The following AMD1 variants were observed in gnomAD, a reference collection of about 807,000 sequenced individuals.
AMD1 encodes S-adenosylmethionine decarboxylase proenzyme.
Under a neutral mutation model 40.2 loss-of-function variants are expected in AMD1, and 11 were observed. The ratio of observed to expected loss-of-function variants is 0.27; its 90% CI spans 0.17 to 0.45. The LOEUF (loss-of-function observed/expected upper bound fraction) is 0.45, where lower values mean the gene tolerates loss of function less well. Among genes scored for constraint, AMD1 ranks in the 20% least tolerant of loss-of-function variants. The pLI is 1.00. For missense variants in AMD1, 257 were observed against 410.2 expected (o/e 0.63, Z 3.23); for synonymous variants, 121 against 130.8 (o/e 0.93, Z 0.51).
the AMD1 span, chr6:110,858,893 G>T: frequency 2.4e-6 from 2 of 829,302 alleles, no homozygotes; most frequent in East Asian, 4.8e-5. Flanking sequence ...TGCCAGCCAG[G>T]TGGGCATGAC....
chr6:110,856,114 A>G, the AMD1 span, among the ~76,000 whole-genome samples: 1 of 152,052 alleles, frequency 6.6e-6, no homozygotes, highest in Non-Finnish European at 1.5e-5. Context: ...TTAAAAGGGG[A>G]TGATCAGAAA....
chr6:110,841,360 T>C, the AMD1 span, among the ~76,000 whole-genome samples: 3 of 152,268 alleles, frequency 2.0e-5, no homozygotes, highest in Non-Finnish European at 4.4e-5. Context: ...AGCCCTAACC[T>C]ATGTAGCTGT....
the AMD1 span, among the ~76,000 whole-genome samples, chr6:110,823,470 GA>G: frequency 6.6e-6 from 1 of 152,144 alleles, no homozygotes; most frequent in Non-Finnish European, 1.5e-5. Context: ...TGTATACCTA[GA>G]AAACTCCAAA....
intron 8 of AMD1, 68 bp from the exon 9 acceptor site, chr6:110,893,408 T>G (rs1432046275): frequency 6.3e-7 from 1 of 1,582,188 alleles, no homozygotes; most frequent in Non-Finnish European, 8.6e-7. Flanking sequence ...GTCTGTCACT[T>G]AACTGTTTTG....
intron 1 of AMD1, among the ~76,000 whole-genome samples, chr6:110,884,948 G>C (rs1251708448): frequency 6.6e-6 from 1 of 152,146 alleles, no homozygotes; most frequent in African/African-American, 2.4e-5. Context: ...ACCTGAATTA[G>C]ATAAGCTCTT....
At chr6:110,860,092 G>T in the AMD1 span, among the ~76,000 whole-genome samples, 1 of 152,132 alleles carries the variant, frequency 6.6e-6, no homozygotes, top group African/African-American at 2.4e-5. Context: ...CTCCCCAAGT[G>T]CTGGAATTAC....
chr6:110,847,063 G>GGTGT, the AMD1 span, among the ~76,000 whole-genome samples: 73 of 143,280 alleles, frequency 5.1e-4, 1 homozygote, highest in South Asian at 2.8e-3. Context: ...GTGTGTGTGT[G>GGTGT]GTGTGTGTGT....
chr6:110,876,615 C>T (rs1785129513), intron 1 of AMD1, among the ~76,000 whole-genome samples: 10 of 152,180 alleles, frequency 6.6e-5, no homozygotes. Flanking sequence ...TCACACGTCT[C>T]ATTTTTTTCA....
At chr6:110,815,537 T>A in the AMD1 span, 2 of 157,620 alleles carry the variant, frequency 1.3e-5, no homozygotes, top group Non-Finnish European at 2.8e-5. Flanking sequence ...CCTGGGCGGT[T>A]TTGCCGGCGT....
At chr6:110,815,334 CTCT>C in the AMD1 span, 1 of 465,512 alleles carries the variant, frequency 2.1e-6, no homozygotes, top group Non-Finnish European at 3.5e-6. Context: ...CCTCCTCCAC[CTCT>C]TCCTCCTCCT....
chr6:110,839,374 C>G, the AMD1 span, among the ~76,000 whole-genome samples: 2 of 152,202 alleles, frequency 1.3e-5, no homozygotes, highest in Non-Finnish European at 2.9e-5. Context: ...TTTCTTTACT[C>G]TCATACCACA....
At chr6:110,873,039 T>C (rs528363112), upstream of AMD1, among the ~76,000 whole-genome samples, 9 of 152,306 alleles carry the variant, frequency 5.9e-5, no homozygotes, top group East Asian at 1.7e-3. Context: ...CAACATTTAT[T>C]ATCTTTTGTC....
At chr6:110,889,094 C>A in intron 3 of AMD1, 111 bp downstream of exon 3, 1 of 1,322,512 alleles carries the variant, frequency 7.6e-7, no homozygotes, top group Non-Finnish European at 1.0e-6. Flanking sequence ...ACAATGCATG[C>A]AAACACGTGG....
At chr6:110,858,739 G>T in the AMD1 span, 3 of 770,248 alleles carry the variant, frequency 3.9e-6, no homozygotes, top group Non-Finnish European at 7.1e-6. Flanking sequence ...GCACCATCGG[G>T]CTGCAGATGG....
the AMD1 span, among the ~76,000 whole-genome samples, chr6:110,830,013 T>C: frequency 4.4e-3 from 662 of 149,046 alleles, 7 homozygotes; most frequent in African/African-American, 0.015. Context: ...TTTGTTTGTG[T>C]GTTTGTTTGT....
Position 110,875,022 on chromosome 6 carries a change from CGCAGCGGCGGCG to C in AMD1, c.-73_-62del, listed in dbSNP as rs1562332925. The C allele has an allele frequency of 3.7e-6, 4 of 1,073,186 alleles. No homozygotes were observed. Among genetic ancestry groups the C allele is most frequent in the African/African-American group, 1.6e-5 (1 of 63,402 alleles). The allele number at this position is 1,073,186 out of a possible 1,614,324, so 66.5% of individuals were successfully genotyped here. Reference sequence around the variant, plus strand: ...CTTTAGTAACACAGCTGGAACAATCCGCAGCGGCGGCGGCAGCGGCGGGAGAAGAGGTTTAAT... The same window carrying C: ...CTTTAGTAACACAGCTGGAACAATCCGCAGCGGCGGGAGAAGAGGTTTAAT... On this transcript the variant is annotated 5_prime_UTR_variant, in exon 1 of 9. Coordinates refer to ENST00000368885, the MANE Select transcript of AMD1 (RefSeq NM_001634.6).
chr6:110,884,149 A>G (rs1279590), intron 1 of AMD1, among the ~76,000 whole-genome samples: 126,014 of 152,248 alleles, frequency 0.83, 52,970 homozygotes, highest in Middle Eastern at 0.94. Flanking sequence ...GATGCAAATA[A>G]CATAGCAAAG....
intron 8 of AMD1, among the ~76,000 whole-genome samples, 165 bp downstream of exon 8, chr6:110,893,230 C>A (rs1786130293): frequency 6.6e-6 from 1 of 152,182 alleles, no homozygotes. Context: ...AGCTTTGTTT[C>A]ATTAGACCTG....
chr6:110,821,195 G>A, the AMD1 span, among the ~76,000 whole-genome samples: 1 of 152,210 alleles, frequency 6.6e-6, no homozygotes, highest in Non-Finnish European at 1.5e-5. Context: ...GTGGCGGCAT[G>A]GAGGCAGCAG....
Sources: gnomAD v4.1 joint callset for allele counts (sites outside exome capture counted in the v4.1 genomes callset) on GRCh38, gnomAD v4.1.1 for gene constraint, MANE v1.5 for transcripts, NCBI Gene and HGNC (gene_info 2026-07-23, HGNC 2026-07-21) for gene names.